The following COG2 variants were observed in gnomAD, a reference collection of about 807,000 sequenced individuals.
COG2 encodes component of oligomeric golgi complex 2.
In COG2, 52 loss-of-function variants were observed where a neutral mutation model predicts 90.6. The observed-to-expected ratio is 0.57, with a 90% CI of 0.46 to 0.72. The LOEUF is 0.72. COG2 is among the 30% of genes least tolerant of loss of function. The pLI, the probability that COG2 is intolerant of heterozygous loss-of-function variation, is 0.00. For missense variants in COG2, 829 were observed against 891.2 expected (o/e 0.93, Z 0.89); for synonymous variants, 337 against 320.4 (o/e 1.05, Z -0.55).
chr1:230,642,489 G>A lies in COG2; in HGVS notation c.-118G>A. 1.1e-6 allele frequency: 1 copy of A among 927,254 alleles called. No homozygotes were observed. Among genetic ancestry groups the A allele is most frequent in the South Asian group, 1.8e-5 (1 of 56,370 alleles). The allele number at this position is 927,254 out of a possible 1,614,324, so 57.4% of individuals were successfully genotyped here. On this transcript the variant is annotated 5_prime_UTR_variant, in exon 1 of 18. Transcript: ENST00000366669. ...GCGGCGCGGGCGCTGCCATGTTGGC[G>A]GAAGCGGACCCCCCTGTGCCGTGGA... is the stretch of plus-strand genomic sequence containing the variant.
chr1:230,645,217 C>T (rs1367587723), intron 1 of COG2, among the ~76,000 whole-genome samples: 1 of 64,100 alleles, frequency 1.6e-5, no homozygotes, highest in African/African-American at 6.2e-5. Context: ...GCCTGGGCAA[C>T]AGAAAGAGAC....
rs573901302 is a variant in COG2, at chr1:230,690,024, C to T, written c.1805C>T (p.Thr602Ile). The change falls in exon 16 of 18, where the codon ACC becomes ATC. Residue 602 changes from threonine (T) to isoleucine (I), a missense_variant. Physicochemically the swap from Thr to Ile is moderately conservative, Grantham distance 89 (BLOSUM62 -1). Coordinates refer to ENST00000366669, the MANE Select transcript of COG2 (RefSeq NM_007357.3). ...LYRRTNKEVP[T>I]TASSYVDSAL... ...CCATCATCATTCCAGGAGGTCCCAACCACAGCTTCCTCCTATGTGGACAGT... is the reference window on the plus strand; with the variant it reads ...CCATCATCATTCCAGGAGGTCCCAATCACAGCTTCCTCCTATGTGGACAGT... 6.0e-5 allele frequency: 95 copies of T among 1,595,462 alleles called. No individual in the cohort carries two copies. Among genetic ancestry groups the T allele is most frequent in the Middle Eastern group, 5.0e-4 (3 of 5,954 alleles).
intron 3 of COG2, 31 bp downstream of exon 3, chr1:230,660,854 A>T: frequency 6.9e-7 from 1 of 1,452,500 alleles, no homozygotes; most frequent in East Asian, 2.5e-5. Context: ...CAAACAGTTT[A>T]CCCTAAAGCA....
intron 10 of COG2, chr1:230,679,807 A>C (rs1450964612): frequency 6.6e-6 from 1 of 152,232 alleles, no homozygotes; most frequent in Non-Finnish European, 1.5e-5. Flanking sequence ...TGCTCTTTGA[A>C]GAATCATAGG....
At chr1:230,644,864 T>G (rs1195597074) in intron 1 of COG2, among the ~76,000 whole-genome samples, 1 of 152,174 alleles carries the variant, frequency 6.6e-6, no homozygotes, top group Non-Finnish European at 1.5e-5. Flanking sequence ...GGGAGGCTAC[T>G]TAAAAAGTTA....
chr1:230,691,328 A>C, intron 16 of COG2, 56 bp from the exon 17 acceptor site: 1 of 1,465,722 alleles, frequency 6.8e-7, no homozygotes, highest in Non-Finnish European at 9.2e-7. Flanking sequence ...CAGTTACTCT[A>C]TTTGGTGTTA....
chr1:230,643,194 C>G (rs1013705710), intron 1 of COG2, among the ~76,000 whole-genome samples: 7 of 152,186 alleles, frequency 4.6e-5, no homozygotes, highest in African/African-American at 1.7e-4. Context: ...TATTGCAGTA[C>G]GACAAAGCAA....
At chr1:230,690,638 G>A (rs181732670) in intron 16 of COG2, among the ~76,000 whole-genome samples, 13 of 152,284 alleles carry the variant, frequency 8.5e-5, no homozygotes, top group Admixed American at 5.9e-4. Context: ...ACACTTGATT[G>A]TCTTTTTCTA....
At position 230,683,643 on chromosome 1, in the gene COG2, C is replaced by A. The variant is rs773091235; in HGVS notation, c.1228+8C>A. On this transcript the variant is annotated splice_region_variant and intron_variant, in intron 11 of 17. Transcript: ENST00000366669. ...TCCTGGAAGATGCCCCAGGTAACTCCCTTAAAGTGATAAGTGGCATGGTAT... is the reference window on the plus strand; with the variant it reads ...TCCTGGAAGATGCCCCAGGTAACTCACTTAAAGTGATAAGTGGCATGGTAT... 3.8e-6 allele frequency: 6 copies of A among 1,593,134 alleles called. No homozygotes were observed. The highest frequency in any genetic ancestry group is 5.2e-6 in the Non-Finnish European group (6 of 1,161,376).
At chr1:230,651,142 C>T (rs1240972052) in intron 1 of COG2, among the ~76,000 whole-genome samples, 1 of 151,984 alleles carries the variant, frequency 6.6e-6, no homozygotes, top group African/African-American at 2.4e-5. Context: ...ATGTCTTCAG[C>T]TTGGTGTTGC....
chr1:230,676,339 G>C (rs753733962), intron 9 of COG2, among the ~76,000 whole-genome samples: 2 of 148,666 alleles, frequency 1.3e-5, no homozygotes, highest in Admixed American at 1.3e-4. Flanking sequence ...ATTCCATTTT[G>C]TCCCCTCTAC....
At chr1:230,672,588 T>G (rs1662477014) in intron 8 of COG2, among the ~76,000 whole-genome samples, 1 of 152,048 alleles carries the variant, frequency 6.6e-6, no homozygotes, top group South Asian at 2.1e-4. Flanking sequence ...CCCAGCACTT[T>G]GGGAGGCCAA....
chr1:230,655,221 A>G (rs981467037), intron 1 of COG2, among the ~76,000 whole-genome samples: 2 of 152,196 alleles, frequency 1.3e-5, no homozygotes, highest in East Asian at 3.8e-4. Context: ...TCAGTATGAT[A>G]TTGGCTGTGG....
rs570619003 is a variant in COG2, at chr1:230,675,215, G to C, written c.1026+91G>C. ...CTCTTCTACTTAGTCTTGGTTCTGT[G>C]GTTTATTAAAAATAAAAATTTGAGT... is the stretch of plus-strand genomic sequence containing the variant. On this transcript the variant is annotated intron_variant, in intron 9 of 17. Coordinates refer to ENST00000366669, the MANE Select transcript of COG2 (RefSeq NM_007357.3). The C allele has an allele frequency of 3.7e-4, 522 of 1,401,544 alleles. 2 individuals carry two copies. The African/African-American group carries it at 6.6e-3, about 18-fold the overall frequency. The allele number at this position is 1,401,544 out of a possible 1,614,324, so 86.8% of individuals were successfully genotyped here. A position where few individuals can be genotyped will look rare whatever the true frequency, so the allele number is the denominator to read the frequency against.
intron 11 of COG2, 109 bp downstream of exon 11, chr1:230,683,744 T>TTTAATCA: frequency 1.3e-6 from 1 of 781,858 alleles, no homozygotes; most frequent in Non-Finnish European, 2.1e-6. Context: ...TTTTTTTTTT[T>TTTAATCA]TAATCATACA....
intron 1 of COG2, 109 bp downstream of exon 1, chr1:230,642,787 C>T (rs1400388703): frequency 6.5e-6 from 7 of 1,075,324 alleles, no homozygotes; most frequent in African/African-American, 1.6e-5. Context: ...CGCTCAGTGT[C>T]AGGTCCTCCG....
chr1:230,670,920 A>G (rs943525490), intron 7 of COG2: 2 of 151,266 alleles, frequency 1.3e-5, no homozygotes, highest in Non-Finnish European at 1.5e-5. Flanking sequence ...ACCGATGAAA[A>G]TATTTTAGTC....
intron 5 of COG2, among the ~76,000 whole-genome samples, chr1:230,665,869 C>G (rs1406102979): frequency 6.6e-6 from 1 of 152,204 alleles, no homozygotes; most frequent in Non-Finnish European, 1.5e-5. Context: ...CACTTGGCAT[C>G]TGTGATACCT....
chr1:230,687,445 C>T (rs1447380444), intron 13 of COG2, among the ~76,000 whole-genome samples: 2 of 152,196 alleles, frequency 1.3e-5, no homozygotes, highest in African/African-American at 4.8e-5. Flanking sequence ...CATGCTCCCC[C>T]ACTTTTTTTT....
Sources: gnomAD v4.1 joint callset for allele counts (sites outside exome capture counted in the v4.1 genomes callset) on GRCh38, gnomAD v4.1.1 for gene constraint, MANE v1.5 for transcripts, NCBI Gene and HGNC (gene_info 2026-07-23, HGNC 2026-07-21) for gene names.